PRKG2: variants seen among roughly 807,000 people sequenced by gnomAD.
PRKG2 encodes the protein protein kinase cGMP-dependent 2, also known as cGMP-dependent protein kinase 2.
PRKG2 carries 33 observed loss-of-function variants against 97.2 expected under a neutral mutation model. The ratio of observed to expected loss-of-function variants is 0.34; its 90% CI spans 0.26 to 0.45. PRKG2 has a LOEUF of 0.45. Ranked by LOEUF, PRKG2 falls within the 20% of genes least tolerant of loss-of-function variation. PRKG2 has a pLI of 1.00. For missense variants in PRKG2, 638 were observed against 900.0 expected (o/e 0.71, Z 3.73); for synonymous variants, 330 against 321.8 (o/e 1.03, Z -0.27).
At chr4:81,117,258 C>T (rs941991071) in intron 14 of PRKG2, among the ~76,000 whole-genome samples, 9 of 152,056 alleles carry the variant, frequency 5.9e-5, no homozygotes, top group Non-Finnish European at 1.0e-4. Context: ...TGTCCCAAAG[C>T]GCTGGGATTA....
At chr4:81,136,835 A>T (rs1019900113) in intron 13 of PRKG2, among the ~76,000 whole-genome samples, 1 of 151,928 alleles carries the variant, frequency 6.6e-6, no homozygotes, top group African/African-American at 2.4e-5. Flanking sequence ...AACTCATTAG[A>T]GGTAAAGTTT....
chr4:81,141,134 C>T (rs1435825260), intron 11 of PRKG2, among the ~76,000 whole-genome samples: 1 of 152,022 alleles, frequency 6.6e-6, no homozygotes, highest in Admixed American at 6.5e-5. Context: ...TCTCAGCTTC[C>T]TGAGTAGCTG....
At chr4:81,166,555 C>T (rs2110078134) in intron 6 of PRKG2, among the ~76,000 whole-genome samples, 1 of 152,230 alleles carries the variant, frequency 6.6e-6, no homozygotes, top group South Asian at 2.1e-4. Flanking sequence ...CATGAAAAGA[C>T]TTGACTCGTC....
chr4:81,095,238 C>T (rs1433014892), intron 17 of PRKG2, among the ~76,000 whole-genome samples: 1 of 152,146 alleles, frequency 6.6e-6, no homozygotes, highest in Non-Finnish European at 1.5e-5. Flanking sequence ...TATCATTTTG[C>T]CATAAGCTGC....
intron 2 of PRKG2, among the ~76,000 whole-genome samples, chr4:81,198,561 G>A (rs575540968): frequency 1.3e-5 from 2 of 151,928 alleles, no homozygotes; most frequent in African/African-American, 4.8e-5. Flanking sequence ...TCACACTGTA[G>A]GCTGCACAGG....
chr4:81,150,465 A>T (rs1240975022), intron 8 of PRKG2, among the ~76,000 whole-genome samples: 1 of 152,188 alleles, frequency 6.6e-6, no homozygotes, highest in Non-Finnish European at 1.5e-5. Context: ...AAAATGTGAT[A>T]GCATTAAAAG....
chr4:81,099,635 C>A (rs867274204), intron 17 of PRKG2, among the ~76,000 whole-genome samples: 115 of 152,224 alleles, frequency 7.6e-4, no homozygotes, highest in African/African-American at 2.6e-3. Flanking sequence ...TGGAAGCATT[C>A]CCTCTGAAAA....
intron 17 of PRKG2, among the ~76,000 whole-genome samples, chr4:81,092,846 T>C (rs556665202): frequency 6.6e-6 from 1 of 152,302 alleles, no homozygotes; most frequent in East Asian, 1.9e-4. Flanking sequence ...CATGATCAAA[T>C]CCTGTCAGTG....
intron 15 of PRKG2, among the ~76,000 whole-genome samples, chr4:81,108,756 G>A (rs767556968): frequency 5.9e-5 from 9 of 152,054 alleles, no homozygotes; most frequent in Non-Finnish European, 1.3e-4. Context: ...AATTAGCTGG[G>A]CATGGTGGCA....
At chr4:81,208,945 C>T (rs1343462129) in intron 1 of PRKG2, among the ~76,000 whole-genome samples, 1 of 152,134 alleles carries the variant, frequency 6.6e-6, no homozygotes, top group African/African-American at 2.4e-5. Flanking sequence ...TATTTTCACA[C>T]ACTGCAATGA....
At chr4:81,179,017 T>G (rs889004639) in intron 2 of PRKG2, among the ~76,000 whole-genome samples, 5 of 151,740 alleles carry the variant, frequency 3.3e-5, no homozygotes, top group African/African-American at 1.2e-4. Context: ...CCCAGCTACT[T>G]TGGAGGCTGA....
Position 81,110,439 on chromosome 4 carries a change from G to A in PRKG2, c.1940+9C>T, listed in dbSNP as rs150207162. On this transcript the variant is annotated intron_variant, in intron 15 of 18. Coordinates refer to ENST00000264399, the MANE Select transcript of PRKG2 (RefSeq NM_006259.3). ...AAGAGGTGGCTGCATAAAACTTGAA[G>A]GTACATACTTGCCCGTTAGGAGCTC... The A allele has an allele frequency of 2.5e-4, 396 of 1,601,418 alleles. No individual in the cohort carries two copies. The African/African-American group carries it at 4.6e-3, about 19-fold the overall frequency.
chr4:81,204,862 A>G lies in PRKG2; in HGVS notation c.186T>C (p.Thr62=), dbSNP rs1167472063. 2.5e-6 allele frequency: 4 copies of G among 1,614,088 alleles called. No homozygotes were observed. Among genetic ancestry groups the G allele is most frequent in the East Asian group, 2.2e-5 (1 of 44,888 alleles). Residue 62 remains threonine (T), a synonymous_variant, in exon 2 of 19, where the codon ACT becomes ACC. Coordinates refer to ENST00000264399, the MANE Select transcript of PRKG2 (RefSeq NM_006259.3). ...KELREQLSKQ[T]VAIAELTEEL... is the part of the protein sequence containing the mutation. Reference sequence around the variant, plus strand: ...CCTCTGTGAGTTCAGCAATGGCCACAGTCTGCTTCGACAGCTGCTCCCGCA... The same window carrying G: ...CCTCTGTGAGTTCAGCAATGGCCACGGTCTGCTTCGACAGCTGCTCCCGCA...
At chr4:81,145,056 C>T (rs1300081550) in intron 9 of PRKG2, among the ~76,000 whole-genome samples, 4 of 151,812 alleles carry the variant, frequency 2.6e-5, no homozygotes, top group East Asian at 1.9e-4. Context: ...TGAGTAGTGC[C>T]GCAATAAACA....
intron 14 of PRKG2, among the ~76,000 whole-genome samples, chr4:81,116,985 CTT>C (rs58361616): frequency 1.3e-5 from 1 of 78,982 alleles, no homozygotes. Flanking sequence ...CCTGTTGTTA[CTT>C]TTTTTTTTTT....
At chr4:81,217,036 T>TATATATATATATACAC (rs1375271897), upstream of PRKG2, among the ~76,000 whole-genome samples, 1 of 137,360 alleles carries the variant, frequency 7.3e-6, no homozygotes, top group African/African-American at 3.0e-5. Context: ...ATTTTGTATA[T>TATATATATATATACAC]ATATATATAT....
chr4:81,173,179 G>T (rs1181423002), intron 3 of PRKG2, among the ~76,000 whole-genome samples: 5 of 152,036 alleles, frequency 3.3e-5, no homozygotes, highest in Non-Finnish European at 7.4e-5. Flanking sequence ...TTCATAAAGG[G>T]AATATTTTTA....
chr4:81,183,612 C>T (rs1271200781), intron 2 of PRKG2, among the ~76,000 whole-genome samples: 1 of 151,626 alleles, frequency 6.6e-6, no homozygotes, highest in Non-Finnish European at 1.5e-5. Flanking sequence ...TTTTTCATAC[C>T]CCCGTGGTGC....
chr4:81,164,696 G>T (rs1382407754), intron 6 of PRKG2, among the ~76,000 whole-genome samples: 2 of 152,068 alleles, frequency 1.3e-5, no homozygotes, highest in Admixed American at 1.3e-4. Context: ...GGTGGTGCCT[G>T]GGAATATGCC....
Sources: allele counts gnomAD v4.1 joint callset (sites outside exome capture counted in the v4.1 genomes callset), GRCh38; gene constraint gnomAD v4.1.1; transcripts MANE v1.5; gene names NCBI Gene and HGNC (gene_info 2026-07-23, HGNC 2026-07-21).